ATP6V0E2: variants seen among roughly 807,000 people sequenced by gnomAD.
ATP6V0E2 encodes the protein V-type proton ATPase subunit e 2.
In ATP6V0E2, 4 loss-of-function variants were observed where a neutral mutation model predicts 11.5. That is an observed-to-expected ratio of 0.35 (90% CI 0.17 to 0.80). ATP6V0E2 has a LOEUF of 0.80. ATP6V0E2 is among the 30% of genes least tolerant of loss of function. ATP6V0E2 has a pLI of 0.53. For synonymous variants in ATP6V0E2, 52 were observed against 51.0 expected, an observed-to-expected ratio of 1.02 and a Z score of -0.09; for missense variants, 93 against 113.5, an observed-to-expected ratio of 0.82 and a Z score of 0.82.
rs1252513283 is a variant in ATP6V0E2, at chr7:149,879,539, C to A, written c.*224C>A. 3.2e-6 allele frequency: 5 copies of A among 1,561,350 alleles called. No homozygotes were observed. The East Asian group carries it at 1.2e-4, about 36-fold the overall frequency. ...TGGGGAGCCCTGGGCACAGCAGCGG[C>A]CGAGGGGATGTCCTGCTCCAATACC... is the stretch of plus-strand genomic sequence containing the variant. On this transcript the variant is annotated 3_prime_UTR_variant, in exon 4 of 4. Transcript: ENST00000425642.
chr7:149,873,308 G>T (rs982644276), upstream of ATP6V0E2: 1 of 152,458 alleles, frequency 6.6e-6, no homozygotes, highest in African/African-American at 2.4e-5. Context: ...GAGGACGCCA[G>T]CCCTCCGCCT....
Position 149,880,585 on chromosome 7 carries a change from C to A in ATP6V0E2, c.*1270C>A, listed in dbSNP as rs75281663. 0.031 allele frequency: 4,768 copies of A among 152,618 alleles called. 245 individuals carry two copies. Among genetic ancestry groups the A allele is most frequent in the African/African-American group, 0.11 (4,518 of 41,578 alleles). 9.5% of individuals were successfully genotyped at this position (152,618 alleles called of 1,614,324 possible). On this transcript the variant is annotated 3_prime_UTR_variant, in exon 4 of 4. Coordinates refer to ENST00000425642, the MANE Select transcript of ATP6V0E2 (RefSeq NM_145230.4). ...CTGGGGCCTCCCATTGACATCCTCC[C>A]CCTACACTCCCTCTCTGAGCCTCCG...
Position 149,879,382 on chromosome 7 carries a change from C to G in ATP6V0E2, c.*67C>G. ...GTGGCTCCACTGTCCCTGACAACCC[C>G]TTCGTCCGGACCCTCCCCCACACAA... On this transcript the variant is annotated 3_prime_UTR_variant, in exon 4 of 4. Transcript: ENST00000425642. 6.3e-7 allele frequency: 1 copy of G among 1,586,730 alleles called. No homozygotes were observed. Among genetic ancestry groups the G allele is most frequent in the Non-Finnish European group, 8.6e-7 (1 of 1,167,046 alleles).
At chr7:149,873,326 G>A (rs1032786075), upstream of ATP6V0E2, 2 of 152,476 alleles carry the variant, frequency 1.3e-5, no homozygotes, top group Admixed American at 1.3e-4. Flanking sequence ...CCTCCCGCCG[G>A]GTCCCTGAAC....
chr7:149,877,136 T>A (rs1464548241), intron 2 of ATP6V0E2, among the ~76,000 whole-genome samples: 1 of 152,056 alleles, frequency 6.6e-6, no homozygotes, highest in East Asian at 1.9e-4. Flanking sequence ...ATGATCCTTC[T>A]GCCTCAGCCT....
At chr7:149,876,650 C>T (rs951892250) in intron 2 of ATP6V0E2, among the ~76,000 whole-genome samples, 2 of 152,232 alleles carry the variant, frequency 1.3e-5, no homozygotes, top group Non-Finnish European at 2.9e-5. Flanking sequence ...TTTAGATGAT[C>T]CTGGCTGCCA....
At chr7:149,873,763 C>T, upstream of ATP6V0E2, 2 of 1,010,048 alleles carry the variant, frequency 2.0e-6, no homozygotes, top group Non-Finnish European at 1.4e-6. Context: ...GCTGTGCGGG[C>T]GCGGGGCTGA....
chr7:149,876,357 C>A (rs756716034), intron 2 of ATP6V0E2, among the ~76,000 whole-genome samples: 1 of 152,140 alleles, frequency 6.6e-6, no homozygotes, highest in Non-Finnish European at 1.5e-5. Context: ...GCCTGGGCAA[C>A]AGAGTGAGAC....
intron 2 of ATP6V0E2, among the ~76,000 whole-genome samples, chr7:149,877,453 A>G (rs916724841): frequency 2.6e-5 from 4 of 152,176 alleles, no homozygotes; most frequent in African/African-American, 9.7e-5. Context: ...AGTAGCTAGG[A>G]TTACAGGTAC....
At chr7:149,875,541 C>T in intron 1 of ATP6V0E2, 57 bp from the exon 2 acceptor site, 1 of 1,581,444 alleles carries the variant, frequency 6.3e-7, no homozygotes, top group Admixed American at 1.7e-5. Flanking sequence ...TGGTCCTGGC[C>T]AGGCCTTGTG....
At chr7:149,876,610 A>AT (rs1212638352) in intron 2 of ATP6V0E2, among the ~76,000 whole-genome samples, 1 of 152,234 alleles carries the variant, frequency 6.6e-6, no homozygotes, top group Non-Finnish European at 1.5e-5. Flanking sequence ...CCCCGCATCC[A>AT]TCCCAAACCT....
chr7:149,879,161 C>A, intron 3 of ATP6V0E2, 174 bp from the exon 4 acceptor site: 1 of 1,400,806 alleles, frequency 7.1e-7, no homozygotes, highest in South Asian at 1.8e-5. Context: ...CCCCCATCCT[C>A]ACAGCGCTTC....
intron 1 of ATP6V0E2, 104 bp downstream of exon 1, chr7:149,874,273 C>T: frequency 1.4e-6 from 2 of 1,394,176 alleles, no homozygotes; most frequent in South Asian, 1.5e-5. Flanking sequence ...AGCGAGCGTC[C>T]GCAGGAGGGA....
chr7:149,878,712 C>T lies in ATP6V0E2; in HGVS notation c.187C>T (p.Leu63=). ...CGCCATCCTGGCGCAGCTGAACCCC[C>T]TGTTCGGGCCCCAGCTGAAGAATGA... ...LIAILAQLNP[L]FGPQLKNETI... is the part of the protein sequence containing the mutation. Residue 63 remains leucine, a synonymous_variant, in exon 3 of 4, where the codon CTG becomes TTG. Transcript: ENST00000425642. 1 of 1,612,976 alleles carries T rather than the reference C, an allele frequency of 6.2e-7. No individual in the cohort carries two copies. Among genetic ancestry groups the T allele is most frequent in the Non-Finnish European group, 8.5e-7 (1 of 1,179,868 alleles).
At chr7:149,874,215 C>G (rs1260728342) in intron 1 of ATP6V0E2, 46 bp downstream of exon 1, 1 of 1,508,466 alleles carries the variant, frequency 6.6e-7, no homozygotes, top group African/African-American at 1.4e-5. Context: ...CCCCGGCCCC[C>G]TGGCCCGGCT....
upstream of ATP6V0E2, chr7:149,873,766 G>A (rs973884536): frequency 7.5e-6 from 8 of 1,061,046 alleles, no homozygotes; most frequent in Non-Finnish European, 7.7e-6. Context: ...GTGCGGGCGC[G>A]GGGCTGACGC....
chr7:149,876,208 T>C (rs1480253532), intron 2 of ATP6V0E2: 1 of 406,082 alleles, frequency 2.5e-6, no homozygotes, highest in Non-Finnish European at 4.9e-6. Flanking sequence ...AAACTCCGTC[T>C]CTACTAAAAA....
intron 2 of ATP6V0E2, among the ~76,000 whole-genome samples, chr7:149,876,368 T>G (rs1452802691): frequency 6.6e-6 from 1 of 151,770 alleles, no homozygotes; most frequent in Non-Finnish European, 1.5e-5. Context: ...AGAGTGAGAC[T>G]CCGACTCTAA....
chr7:149,879,833 A>T lies in ATP6V0E2; in HGVS notation c.*518A>T, dbSNP rs1470450583. The T allele has an allele frequency of 1.0e-5, 5 of 486,054 alleles. No homozygotes were observed. Among genetic ancestry groups the T allele is most frequent in the Non-Finnish European group, 1.7e-5 (5 of 299,790 alleles). The allele number at this position is 486,054 out of a possible 1,614,324, so 30.1% of individuals were successfully genotyped here. On this transcript the variant is annotated 3_prime_UTR_variant, in exon 4 of 4. Transcript: ENST00000425642. ...CTGGCATGGAATTGTTAATTTTCTG[A>T]CACGTCTAGATGTGAAATTTCTGAA...
Sources: allele counts gnomAD v4.1 joint callset (sites outside exome capture counted in the v4.1 genomes callset), GRCh38; gene constraint gnomAD v4.1.1; transcripts MANE v1.5; gene names NCBI Gene and HGNC (gene_info 2026-07-23, HGNC 2026-07-21).